SYNE2: variants seen among roughly 807,000 people sequenced by gnomAD.
The protein encoded by SYNE2 is nesprin-2.
In SYNE2, 431 loss-of-function variants were observed where a neutral mutation model predicts 856.3. That is an observed-to-expected ratio of 0.50 (90% CI 0.47 to 0.55). SYNE2 has a LOEUF of 0.55. Ranked by LOEUF, SYNE2 falls within the 20% of genes least tolerant of loss-of-function variation. SYNE2 has a pLI of 0.00. For synonymous variants in SYNE2, 2,923 were observed against 2,872.3 expected (o/e 1.02, Z -0.56); for missense variants, 8,129 against 8,023.2 (o/e 1.01, Z -0.50).
chr14:64,073,109 G>A (rs1430647753), intron 52 of SYNE2, among the ~76,000 whole-genome samples: 1 of 152,114 alleles, frequency 6.6e-6, no homozygotes, highest in Non-Finnish European at 1.5e-5. Flanking sequence ...TCATTATGTA[G>A]TCATGATTGA....
intron 11 of SYNE2, among the ~76,000 whole-genome samples, chr14:63,969,368 GT>G (rs2096444269): frequency 7.9e-6 from 1 of 126,002 alleles, no homozygotes; most frequent in African/African-American, 3.1e-5. Flanking sequence ...TTGAGATGGG[GT>G]CTTGTTCTGT....
chr14:63,870,967 C>A (rs965304423), intron 1 of SYNE2, among the ~76,000 whole-genome samples: 1 of 152,088 alleles, frequency 6.6e-6, no homozygotes, highest in African/African-American at 2.4e-5. Context: ...GTTTTTTTCT[C>A]ATCTACTGTC....
chr14:63,886,968 A>G (rs1022089452), intron 1 of SYNE2, among the ~76,000 whole-genome samples: 1 of 152,182 alleles, frequency 6.6e-6, no homozygotes, highest in African/African-American at 2.4e-5. Context: ...TTCTTTAATT[A>G]GTAATGAATT....
rs1207426888 is a variant in SYNE2, at chr14:64,021,341, G to C, written c.5178G>C (p.Lys1726Asn). The change falls in exon 36 of 116, where the codon AAG becomes AAC. Residue 1726 changes from lysine to asparagine, a missense_variant. Transcript: ENST00000555002. ...TCATGGAGTCCTCTATTTTGAACAA[G>C]ATGGAACATGTACAGAAGTGCTTAA... ...LQVMESSILN[K>N]MEHVQKCLTG... 6 of 1,614,116 alleles carry C rather than the reference G, an allele frequency of 3.7e-6. No homozygotes were observed. Among genetic ancestry groups the C allele is most frequent in the Non-Finnish European group, 5.1e-6 (6 of 1,179,970 alleles).
chr14:63,798,043 A>T (rs1887987676), intron 1 of SYNE2, among the ~76,000 whole-genome samples: 1 of 152,136 alleles, frequency 6.6e-6, no homozygotes, highest in African/African-American at 2.4e-5. Context: ...AGCATATTAA[A>T]CACCTCTTTT....
intron 70 of SYNE2, among the ~76,000 whole-genome samples, chr14:64,123,331 G>A (rs762480589): frequency 1.3e-5 from 2 of 152,178 alleles, no homozygotes; most frequent in Non-Finnish European, 2.9e-5. Context: ...GAGCAAAACA[G>A]CCCCACTGCG....
At chr14:64,184,921 T>C (rs2098481039) in intron 96 of SYNE2, among the ~76,000 whole-genome samples, 2 of 152,248 alleles carry the variant, frequency 1.3e-5, no homozygotes, top group African/African-American at 4.8e-5. Context: ...TCAATCAGAA[T>C]TAACATATTG....
intron 38 of SYNE2, chr14:64,023,208 C>G: frequency 4.2e-6 from 1 of 240,816 alleles, no homozygotes; most frequent in Non-Finnish European, 8.1e-6. Flanking sequence ...CCACTGCACT[C>G]CAGCACTCCA....
At position 63,998,925 on chromosome 14, in the gene SYNE2, A is replaced by G. The variant is rs2096733552; in HGVS notation, c.3365A>G (p.Tyr1122Cys). ...TTCATTTTGCCCAGGTATGATACAT[A>G]CAGAGATATTCTTGAACACCACCTG... ...INSLLERYDTYRDILEHHLQN... is the reference protein window; with the variant it reads ...INSLLERYDTCRDILEHHLQN... Residue 1122 changes from tyrosine to cysteine, a missense_variant, in exon 27 of 116, where the codon TAC becomes TGC. Coordinates refer to ENST00000555002, the MANE Select transcript of SYNE2 (RefSeq NM_182914.3). 2 of 1,614,110 alleles carry G rather than the reference A, an allele frequency of 1.2e-6. No individual in the cohort carries two copies. The highest frequency in any genetic ancestry group is 4.5e-5 in the East Asian group (2 of 44,870).
chr14:64,066,405 G>A (rs1595266843), intron 51 of SYNE2, among the ~76,000 whole-genome samples: 1 of 152,286 alleles, frequency 6.6e-6, no homozygotes, highest in East Asian at 1.9e-4. Context: ...GGCTGAGGTG[G>A]GAGGATCTCT....
At chr14:63,918,081 G>C (rs964748332) in intron 2 of SYNE2, among the ~76,000 whole-genome samples, 1 of 152,108 alleles carries the variant, frequency 6.6e-6, no homozygotes, top group Non-Finnish European at 1.5e-5. Flanking sequence ...AGCCCCATGA[G>C]ATACAAGATT....
In SYNE2 at chr14:64,225,177, C is replaced by T. The variant is rs892252464; in HGVS notation, c.20516+132C>T. ...TTTGTCTGGAAAGGGCTGGTTTTCT[C>T]CTCTGAAACTGAACCCCAACTGTTG... is the stretch of plus-strand genomic sequence containing the variant. On this transcript the variant is annotated intron_variant, in intron 115 of 115. Transcript: ENST00000555002. The T allele has an allele frequency of 6.3e-5, 98 of 1,547,842 alleles. No homozygotes were observed. The South Asian group carries it at 7.1e-4, about 11-fold the overall frequency.
chr14:63,941,990 A>G, intron 5 of SYNE2, 28 bp downstream of exon 5: 2 of 1,605,594 alleles, frequency 1.2e-6, no homozygotes, highest in Non-Finnish European at 1.7e-6. Flanking sequence ...TTAAAAATTC[A>G]CAGGAGAGAT....
chr14:64,219,588 TG>T (rs2140359709), intron 110 of SYNE2, among the ~76,000 whole-genome samples, 178 bp downstream of exon 110: 1 of 152,344 alleles, frequency 6.6e-6, no homozygotes, highest in East Asian at 1.9e-4. Context: ...TGCAGATTTT[TG>T]TTTTCACATG....
chr14:63,768,632 C>T (rs1886778228), intron 1 of SYNE2, among the ~76,000 whole-genome samples: 1 of 152,058 alleles, frequency 6.6e-6, no homozygotes. Flanking sequence ...TCTTAGCAGC[C>T]AGGACAAAGA....
intron 1 of SYNE2, among the ~76,000 whole-genome samples, chr14:63,883,120 A>G (rs1356219348): frequency 6.6e-6 from 1 of 152,036 alleles, no homozygotes; most frequent in Non-Finnish European, 1.5e-5. Flanking sequence ...GTGCAGTAGC[A>G]TGATCTCAGC....
chr14:63,815,053 TCCATATATACATCCAC>T (rs1227162904), intron 1 of SYNE2, among the ~76,000 whole-genome samples: 3 of 145,194 alleles, frequency 2.1e-5, no homozygotes, highest in African/African-American at 5.0e-5. Flanking sequence ...CATATATATA[TCCATATATACATCCAC>T]ATATATATAT....
At position 64,085,119 on chromosome 14, in the gene SYNE2, C is replaced by CACA; in HGVS notation, c.11485-2552_11485-2551insACA. On this transcript the variant is annotated intron_variant, in intron 57 of 115. Transcript: ENST00000555002. ...ACAGGGTCTTGCTCTGTCACCCAGG[C>CACA]TGGAGTGCAGTGGCACAATGTCGGC... 9.1e-6 allele frequency: 6 copies of CACA among 662,414 alleles called. 1 individual carries two copies. In the South Asian group the frequency reaches 9.8e-5, roughly 11 times the overall value. The allele number at this position is 662,414 out of a possible 1,614,324, so 41.0% of individuals were successfully genotyped here.
At chr14:64,185,235 A>G (rs2098482660) in intron 96 of SYNE2, among the ~76,000 whole-genome samples, 1 of 152,226 alleles carries the variant, frequency 6.6e-6, no homozygotes, top group African/African-American at 2.4e-5. Context: ...GTAGTCTAGC[A>G]TGGGAAACAG....
Sources: gnomAD v4.1 joint callset for allele counts (sites outside exome capture counted in the v4.1 genomes callset) on GRCh38, gnomAD v4.1.1 for gene constraint, MANE v1.5 for transcripts, NCBI Gene and HGNC (gene_info 2026-07-23, HGNC 2026-07-21) for gene names.